The following CSMD1 variants were observed in gnomAD, a reference collection of about 807,000 sequenced individuals.
CSMD1 encodes the protein CUB and Sushi multiple domains 1, also known as CUB and sushi domain-containing protein 1.
In CSMD1, 213 loss-of-function variants were observed where a neutral mutation model predicts 417.5. That is an observed-to-expected ratio of 0.51 (90% confidence interval 0.46 to 0.57). The LOEUF (loss-of-function observed/expected upper bound fraction) is 0.57. CSMD1 is among the 20% of genes least tolerant of loss of function. CSMD1 has a pLI of 0.00. For synonymous variants in CSMD1, 2,862 were observed against 1,736.8 expected, an observed-to-expected ratio of 1.65 and a Z score of -16.11; for missense variants, 6,923 against 4,529.7, an observed-to-expected ratio of 1.53 and a Z score of -15.17.
intron 3 of CSMD1, among the ~76,000 whole-genome samples, chr8:4,307,561 T>C (rs1254180890): frequency 6.6e-6 from 1 of 152,222 alleles, no homozygotes; most frequent in East Asian, 1.9e-4. Context: ...AAATGTTGCC[T>C]CTGCTTATCT....
intron 5 of CSMD1, among the ~76,000 whole-genome samples, chr8:3,922,814 A>G (rs1432155554): frequency 6.6e-6 from 1 of 152,100 alleles, no homozygotes; most frequent in South Asian, 2.1e-4. Flanking sequence ...GATGAATATA[A>G]AATTCTATAT....
intron 18 of CSMD1, among the ~76,000 whole-genome samples, chr8:3,385,530 C>T (rs1810954695): frequency 1.3e-5 from 2 of 151,970 alleles, no homozygotes; most frequent in Admixed American, 6.6e-5. Context: ...TTGTTAGGAT[C>T]TTCAAAGCAA....
intron 5 of CSMD1, among the ~76,000 whole-genome samples, chr8:3,887,837 G>T (rs1806669552): frequency 6.6e-6 from 1 of 152,184 alleles, no homozygotes; most frequent in Non-Finnish European, 1.5e-5. Flanking sequence ...TCTGTGCAAG[G>T]AAGAAACTAA....
chr8:3,296,586 ACT>A (rs1803985133), intron 25 of CSMD1, among the ~76,000 whole-genome samples: 1 of 152,012 alleles, frequency 6.6e-6, no homozygotes, highest in Non-Finnish European at 1.5e-5. Flanking sequence ...GGAAAATGAC[ACT>A]CTGTCAACGT....
At chr8:4,821,913 C>T (rs1382186765) in intron 1 of CSMD1, among the ~76,000 whole-genome samples, 1 of 152,124 alleles carries the variant, frequency 6.6e-6, no homozygotes, top group Admixed American at 6.6e-5. Context: ...ATCACATTTG[C>T]TTGCCTGCTT....
intron 2 of CSMD1, among the ~76,000 whole-genome samples, chr8:4,437,718 T>C (rs764419059): frequency 1.2e-4 from 18 of 152,180 alleles, no homozygotes; most frequent in Non-Finnish European, 2.5e-4. Context: ...TACTATCTTA[T>C]ATACTTGCTT....
rs1407172658 is a variant in CSMD1, at chr8:3,679,776, T to G, written c.1009+28638A>C. ...CACACTTATTTCAAAATTGACCACA[T>G]AGTTGGAAGTAAAGCTCTCCTCAGC... On this transcript the variant is annotated intron_variant, in intron 7 of 69. Transcript: ENST00000635120. 3.9e-5 allele frequency among the ~76,000 whole-genome samples: 6 copies of G among 152,194 alleles called. No homozygotes were observed. In the East Asian group the frequency reaches 1.2e-3, roughly 29 times the overall value.
chr8:4,073,418 T>G (rs538925787), intron 3 of CSMD1, among the ~76,000 whole-genome samples: 1 of 152,132 alleles, frequency 6.6e-6, no homozygotes, highest in African/African-American at 2.4e-5. Flanking sequence ...TGAGGGAAAT[T>G]TTGGGAGCTA....
At position 4,365,993 on chromosome 8, in the gene CSMD1, T is replaced by C. The variant is rs554100669; in HGVS notation, c.415+53960A>G. Among the ~76,000 whole-genome samples, 35 of 152,292 alleles carry C rather than the reference T, an allele frequency of 2.3e-4. 1 individual carries two copies. The South Asian group carries it at 7.1e-3, about 31-fold the overall frequency. ...GTTTGTTCATGGGGAAACTGTGTGT[T>C]GTTGAGGCTTGATTTAGGAATGAGC... On this transcript the variant is annotated intron_variant, in intron 3 of 69. Transcript: ENST00000635120.
chr8:4,252,197 T>A (rs1026265379), intron 3 of CSMD1, among the ~76,000 whole-genome samples: 7 of 152,146 alleles, frequency 4.6e-5, no homozygotes, highest in Admixed American at 2.0e-4. Flanking sequence ...ATAAAAAAGC[T>A]TAAAACAAGA....
At chr8:3,065,612 AG>A (rs1204625543) in intron 49 of CSMD1, among the ~76,000 whole-genome samples, 4 of 152,222 alleles carry the variant, frequency 2.6e-5, no homozygotes, top group African/African-American at 9.6e-5. Flanking sequence ...ATAGAAAGAT[AG>A]GAAGATGATA....
chr8:3,007,453 T>C (rs1041728990), intron 52 of CSMD1, among the ~76,000 whole-genome samples: 3 of 151,224 alleles, frequency 2.0e-5, no homozygotes, highest in Non-Finnish European at 4.4e-5. Context: ...ATCATGCTGC[T>C]ATAAAGACAC....
intron 3 of CSMD1, among the ~76,000 whole-genome samples, chr8:4,119,771 CA>C (rs1217911226): frequency 2.6e-5 from 4 of 152,164 alleles, no homozygotes; most frequent in African/African-American, 9.7e-5. Flanking sequence ...CATTTTGCTA[CA>C]GCAGCCTGAG....
At chr8:3,849,439 C>G (rs1048873841) in intron 5 of CSMD1, among the ~76,000 whole-genome samples, 2 of 152,122 alleles carry the variant, frequency 1.3e-5, no homozygotes, top group Admixed American at 1.3e-4. Flanking sequence ...AGAAAGTAAC[C>G]CTGCTCCTTC....
intron 5 of CSMD1, among the ~76,000 whole-genome samples, chr8:3,962,082 C>G (rs1274794093): frequency 6.6e-6 from 1 of 152,198 alleles, no homozygotes; most frequent in Non-Finnish European, 1.5e-5. Context: ...TCAGAGATAA[C>G]TTGAGCTTGG....
chr8:4,256,791 A>G (rs1803488549), intron 3 of CSMD1, among the ~76,000 whole-genome samples: 1 of 152,304 alleles, frequency 6.6e-6, no homozygotes, highest in African/African-American at 2.4e-5. Context: ...AACAGGGCCA[A>G]GCAGTCAGGG....
chr8:4,178,244 G>A (rs985900315), intron 3 of CSMD1, among the ~76,000 whole-genome samples: 1 of 152,112 alleles, frequency 6.6e-6, no homozygotes, highest in African/African-American at 2.4e-5. Context: ...CATCAAGTGG[G>A]CTTCATCCCT....
At chr8:3,642,349 A>G (rs1797348511) in intron 7 of CSMD1, among the ~76,000 whole-genome samples, 1 of 152,150 alleles carries the variant, frequency 6.6e-6, no homozygotes, top group African/African-American at 2.4e-5. Flanking sequence ...CTGTGGGGAG[A>G]AAGAAGAAAT....
intron 1 of CSMD1, among the ~76,000 whole-genome samples, chr8:4,939,630 C>G (rs773724266): frequency 6.6e-6 from 1 of 151,440 alleles, no homozygotes; most frequent in East Asian, 2.0e-4. Context: ...CGGCCATTAA[C>G]AAGGGCTGGG....
Sources: allele counts gnomAD v4.1 joint callset (sites outside exome capture counted in the v4.1 genomes callset), GRCh38; gene constraint gnomAD v4.1.1; transcripts MANE v1.5; gene names NCBI Gene and HGNC (gene_info 2026-07-23, HGNC 2026-07-21).